IFT20: variants seen among roughly 807,000 people sequenced by gnomAD.
IFT20 encodes intraflagellar transport protein 20 homolog.
A neutral mutation model predicts 16.9 loss-of-function variants in IFT20; 4 were observed. That is an observed-to-expected ratio of 0.24 (90% CI 0.12 to 0.54). The LOEUF (loss-of-function observed/expected upper bound fraction) is 0.54, where lower values mean the gene tolerates loss of function less well. IFT20 is among the 20% of genes least tolerant of loss of function. The pLI is 0.95. For missense variants in IFT20, 154 were observed against 149.7 expected, an observed-to-expected ratio of 1.03 and a Z score of -0.15; for synonymous variants, 48 against 49.9, an observed-to-expected ratio of 0.96 and a Z score of 0.16.
At position 28,330,607 on chromosome 17, in the gene IFT20, G is replaced by A. The variant is rs1906711594; in HGVS notation, c.128-79C>T. On this transcript the variant is annotated intron_variant, in intron 2 of 4. Coordinates refer to ENST00000395418, the MANE Select transcript of IFT20 (RefSeq NM_001267776.2). ...TCGGTAGAGTGCTAAGGCAGTGAGA[G>A]GGCAGAGCGGACTGCCCCTTCTAAT... The A allele has an allele frequency of 8.4e-6, 8 of 952,086 alleles. No homozygotes were observed. The Admixed American group carries it at 1.4e-4, about 17-fold the overall frequency. The allele number at this position is 952,086 out of a possible 1,614,324, so 59.0% of individuals were successfully genotyped here. A position where few individuals can be genotyped will look rare whatever the true frequency, so the allele number is the denominator to read the frequency against.
intron 2 of IFT20, chr17:28,331,331 A>C (rs1906763949): frequency 6.4e-6 from 1 of 155,360 alleles, no homozygotes; most frequent in Admixed American, 6.3e-5. Context: ...AAAGCTCAGA[A>C]GTCCCTTGTT....
In IFT20 at chr17:28,331,893, T is replaced by C. The variant is rs782491739; in HGVS notation, c.93A>G (p.Ile31Met). 1 of 1,614,186 alleles carries C rather than the reference T, an allele frequency of 6.2e-7. No individual in the cohort carries two copies. Among genetic ancestry groups the C allele is most frequent in the Non-Finnish European group, 8.5e-7 (1 of 1,180,000 alleles). ...AGTCTTTGCACTCTTCCTTCAGCTC[T>C]ATGGTCTGCTGGGTAACCTCTGGGT... ...VLDPEVTQQT[I>M]ELKEECKDFV... is the part of the protein sequence containing the mutation. Residue 31 changes from isoleucine (I) to methionine (M), a missense_variant, in exon 2 of 5, where the codon ATA becomes ATG. Coordinates refer to ENST00000395418, the MANE Select transcript of IFT20 (RefSeq NM_001267776.2).
intron 3 of IFT20, chr17:28,329,557 CCAAT>C: frequency 5.5e-6 from 2 of 364,922 alleles, no homozygotes; most frequent in Non-Finnish European, 9.9e-6. Flanking sequence ...GTGCCTTTCA[CCAAT>C]CATACTATGT....
chr17:28,333,072 A>AACAC (rs56753724), intron 1 of IFT20, among the ~76,000 whole-genome samples: 3,978 of 144,544 alleles, frequency 0.028, 85 homozygotes, highest in African/African-American at 0.061. Context: ...TCTGGCTCAA[A>AACAC]ACACACACAC....
intron 1 of IFT20, 34 bp from the exon 2 acceptor site, chr17:28,332,021 C>T (rs782454790): frequency 6.2e-7 from 1 of 1,613,644 alleles, no homozygotes; most frequent in Non-Finnish European, 8.5e-7. Flanking sequence ...CTCATCACTT[C>T]CCAGCCACCC....
At chr17:28,333,072 A>ACACACAC (rs1906894238) in intron 1 of IFT20, among the ~76,000 whole-genome samples, 2 of 144,478 alleles carry the variant, frequency 1.4e-5, no homozygotes, top group Non-Finnish European at 3.0e-5. Flanking sequence ...TCTGGCTCAA[A>ACACACAC]ACACACACAC....
chr17:28,332,386 G>T, intron 1 of IFT20: 1 of 562,044 alleles, frequency 1.8e-6, no homozygotes, highest in Non-Finnish European at 3.1e-6. Flanking sequence ...AGTTCAGCTG[G>T]AAGAAGACAG....
chr17:28,333,071 A>AC (rs1555576822), intron 1 of IFT20, among the ~76,000 whole-genome samples: 5 of 124,780 alleles, frequency 4.0e-5, no homozygotes, highest in African/African-American at 1.6e-4. Context: ...TTCTGGCTCA[A>AC]AACACACACA....
At position 28,328,391 on chromosome 17, in the gene IFT20, G is replaced by A. The variant is rs1906465484; in HGVS notation, c.*261C>T. The A allele has an allele frequency of 2.8e-6, 1 of 357,892 alleles. No homozygotes were observed. Among genetic ancestry groups the A allele is most frequent in the Admixed American group, 4.7e-5 (1 of 21,060 alleles). The allele number at this position is 357,892 out of a possible 1,614,324, so 22.2% of individuals were successfully genotyped here. A position where few individuals can be genotyped will look rare whatever the true frequency, so the allele number is the denominator to read the frequency against. On this transcript the variant is annotated 3_prime_UTR_variant, in exon 5 of 5. Transcript: ENST00000395418. ...TTTGTGAATTTACAAAAAAAAGGATGAAAGTTTACAAACTGCTTAGTTCCA... is the reference window on the plus strand; with the variant it reads ...TTTGTGAATTTACAAAAAAAAGGATAAAAGTTTACAAACTGCTTAGTTCCA...
At position 28,333,873 on chromosome 17, in the gene IFT20, G is replaced by A. The variant is rs112915035; in HGVS notation, c.-3+1467C>T. 1.1e-3 allele frequency among the ~76,000 whole-genome samples: 174 copies of A among 152,280 alleles called. 1 individual carries two copies. The highest frequency in any genetic ancestry group is 9.5e-3 in the South Asian group (46 of 4,826). ...TTAAGCCCAGGAGGTGGAGGCTGCAGTGAGCCGTGTTCACACCACTGCACT... is the reference window on the plus strand; with the variant it reads ...TTAAGCCCAGGAGGTGGAGGCTGCAATGAGCCGTGTTCACACCACTGCACT... On this transcript the variant is annotated intron_variant, in intron 1 of 4. Coordinates refer to ENST00000395418, the MANE Select transcript of IFT20 (RefSeq NM_001267776.2).
At chr17:28,334,637 C>T (rs1490626844) in intron 1 of IFT20, among the ~76,000 whole-genome samples, 2 of 152,268 alleles carry the variant, frequency 1.3e-5, no homozygotes, top group African/African-American at 2.4e-5. Flanking sequence ...TTGTTCATCA[C>T]TCTAACCCTA....
In IFT20 at chr17:28,328,535, C is replaced by G. The variant is rs116558075; in HGVS notation, c.*117G>C. The G allele has an allele frequency of 4.3e-6, 3 of 704,158 alleles. No individual in the cohort carries two copies. In the East Asian group the frequency reaches 8.1e-5, roughly 19 times the overall value. 43.6% of individuals were successfully genotyped at this position (704,158 alleles called of 1,614,324 possible). On this transcript the variant is annotated 3_prime_UTR_variant, in exon 5 of 5. Transcript: ENST00000395418. Reference sequence around the variant, plus strand: ...TCTTCAGGGGGCTGCATTCCTTACACGCCACCTCTTGTGACATAGGTCATT... The same window carrying G: ...TCTTCAGGGGGCTGCATTCCTTACAGGCCACCTCTTGTGACATAGGTCATT...
intron 1 of IFT20, among the ~76,000 whole-genome samples, 165 bp downstream of exon 1, chr17:28,335,175 C>T (rs1447111181): frequency 6.6e-6 from 1 of 152,160 alleles, no homozygotes; most frequent in Non-Finnish European, 1.5e-5. Flanking sequence ...CAAGCATCAA[C>T]GCATCAAACT....
intron 1 of IFT20, among the ~76,000 whole-genome samples, chr17:28,335,027 A>AAGCG (rs1907050183): frequency 6.6e-6 from 1 of 152,178 alleles, no homozygotes; most frequent in Non-Finnish European, 1.5e-5. Flanking sequence ...AGCTGGGACT[A>AAGCG]AGCTCCCTGA....
intron 1 of IFT20, among the ~76,000 whole-genome samples, chr17:28,334,251 G>A (rs1224980980): frequency 3.3e-5 from 5 of 152,194 alleles, no homozygotes; most frequent in African/African-American, 9.7e-5. Flanking sequence ...GGCCAACAGA[G>A]GCCTTCTGAA....
rs1555576386 is a variant in IFT20 at position 28,330,497 on chromosome 17, A to T, written c.159T>A (p.Gly53=). The T allele has an allele frequency of 1.2e-6, 2 of 1,613,642 alleles. No homozygotes were observed. Among genetic ancestry groups the T allele is most frequent in the South Asian group, 1.1e-5 (1 of 91,056 alleles). ...KIGQFQKIVG[G]LIELVDQLAK... ...CAAGTTGATCAACAAGCTCAATTAA[A>T]CCACCAACTATTTTCTGAAACTGGC... The change falls in exon 3 of 5, where the codon GGT becomes GGA. Residue 53 remains glycine, a synonymous_variant. Coordinates refer to ENST00000395418, the MANE Select transcript of IFT20 (RefSeq NM_001267776.2).
chr17:28,329,378 A>C, intron 3 of IFT20, 102 bp from the exon 4 acceptor site: 6 of 881,970 alleles, frequency 6.8e-6, no homozygotes, highest in Non-Finnish European at 9.0e-6. Flanking sequence ...CAGTCTTCAG[A>C]GAGGAAAAGA....
chr17:28,329,080 A>G (rs782720480), intron 4 of IFT20, 93 bp downstream of exon 4: 3 of 836,650 alleles, frequency 3.6e-6, no homozygotes, highest in African/African-American at 3.5e-5. Context: ...TGGGAAAACA[A>G]TGATGAAGAA....
At chr17:28,332,154 C>T (rs543972165) in intron 1 of IFT20, 167 bp from the exon 2 acceptor site, 3 of 1,544,290 alleles carry the variant, frequency 1.9e-6, no homozygotes, top group African/African-American at 1.4e-5. Context: ...ACCTGTTTCC[C>T]ATCCAGGTTC....
Sources: allele counts gnomAD v4.1 joint callset (sites outside exome capture counted in the v4.1 genomes callset), GRCh38; gene constraint gnomAD v4.1.1; transcripts MANE v1.5; gene names NCBI Gene and HGNC (gene_info 2026-07-23, HGNC 2026-07-21).